Variants in RSU1 observed in about 807,000 individuals in gnomAD.
RSU1 encodes the protein Ras suppressor protein 1, also known as rsu-1.
In RSU1, 26 loss-of-function variants were observed where a neutral mutation model predicts 31.1. The observed-to-expected ratio is 0.84, with a 90% confidence interval of 0.61 to 1.16. The LOEUF is 1.16. Ranked by LOEUF, RSU1 falls within the 50% of genes most tolerant of loss-of-function variation. The probability of loss-of-function intolerance (pLI) is 0.00; values close to 1 mark genes in which losing one functional copy is unlikely to be tolerated. For missense variants in RSU1, 320 were observed against 339.1 expected, an observed-to-expected ratio of 0.94 and a Z score of 0.44; for synonymous variants, 164 against 136.3, an observed-to-expected ratio of 1.20 and a Z score of -1.41.
At chr10:16,650,107 C>CT (rs1415464867) in intron 8 of RSU1, among the ~76,000 whole-genome samples, 1 of 152,176 alleles carries the variant, frequency 6.6e-6, no homozygotes, top group Non-Finnish European at 1.5e-5. Flanking sequence ...CAGGCTCAAT[C>CT]TGTAAGAATG....
chr10:16,654,935 G>A (rs756003978), intron 8 of RSU1, among the ~76,000 whole-genome samples: 1 of 150,802 alleles, frequency 6.6e-6, no homozygotes, highest in African/African-American at 2.4e-5. Context: ...GTGGTGGCAC[G>A]TGCCTGTAGC....
At chr10:16,617,858 A>G (rs1191257500) in intron 8 of RSU1, among the ~76,000 whole-genome samples, 1 of 152,226 alleles carries the variant, frequency 6.6e-6, no homozygotes, top group African/African-American at 2.4e-5. Flanking sequence ...ACTTAAATGT[A>G]AAACCCAAAA....
chr10:16,783,268 G>A (rs759475898), intron 2 of RSU1, among the ~76,000 whole-genome samples: 21 of 151,744 alleles, frequency 1.4e-4, no homozygotes, highest in Admixed American at 2.0e-4. Context: ...TTCCTTAAAC[G>A]GATAAGATAA....
intron 8 of RSU1, among the ~76,000 whole-genome samples, chr10:16,692,507 T>C: frequency 6.6e-6 from 1 of 152,198 alleles, no homozygotes; most frequent in East Asian, 1.9e-4. Flanking sequence ...TGCATTTTTC[T>C]GTATACTATC....
At chr10:16,707,572 T>C (rs1835932613) in intron 7 of RSU1, among the ~76,000 whole-genome samples, 1 of 142,396 alleles carries the variant, frequency 7.0e-6, no homozygotes. Flanking sequence ...TTAATCAGGT[T>C]TTTTTTTTTT....
chr10:16,603,082 A>T (rs1833739093), intron 8 of RSU1, among the ~76,000 whole-genome samples: 1 of 152,142 alleles, frequency 6.6e-6, no homozygotes, highest in Non-Finnish European at 1.5e-5. Context: ...AGATGGTTCC[A>T]TGCAATTTAC....
chr10:16,592,916 A>C lies in RSU1; in HGVS notation c.*478T>G, dbSNP rs949949387. The C allele has an allele frequency of 6.5e-6, 1 of 153,696 alleles. No homozygotes were observed. 9.5% of individuals were successfully genotyped at this position (153,696 alleles called of 1,614,324 possible). A position where few individuals can be genotyped will look rare whatever the true frequency, so the allele number is the denominator to read the frequency against. On this transcript the variant is annotated 3_prime_UTR_variant, in exon 9 of 9. Coordinates refer to ENST00000345264, the MANE Select transcript of RSU1 (RefSeq NM_012425.4). ...TGAGTCAATAAGTAACATGTGATACAAACTCAAGATTTTATTAAAATCATT... is the reference window on the plus strand; with the variant it reads ...TGAGTCAATAAGTAACATGTGATACCAACTCAAGATTTTATTAAAATCATT...
At chr10:16,641,157 T>G (rs1451507822) in intron 8 of RSU1, among the ~76,000 whole-genome samples, 1 of 152,106 alleles carries the variant, frequency 6.6e-6, no homozygotes, top group African/African-American at 2.4e-5. Flanking sequence ...CCCTGGAACT[T>G]AAAATGAAAT....
intron 8 of RSU1, 101 bp from the exon 9 acceptor site, chr10:16,593,597 C>A: frequency 1.1e-6 from 1 of 914,896 alleles, no homozygotes; most frequent in Non-Finnish European, 1.7e-6. Context: ...CAAAAATATT[C>A]AGTAAGCCAA....
intron 7 of RSU1, among the ~76,000 whole-genome samples, chr10:16,732,588 GCTGT>G (rs983795725): frequency 1.3e-5 from 2 of 152,168 alleles, no homozygotes; most frequent in African/African-American, 4.8e-5. Flanking sequence ...ATAAATTTCT[GCTGT>G]CTAAGTCACC....
intron 2 of RSU1, among the ~76,000 whole-genome samples, chr10:16,783,393 G>A (rs908034932): frequency 6.7e-5 from 9 of 133,584 alleles, no homozygotes; most frequent in African/African-American, 2.9e-4. Context: ...GTCTCACTCT[G>A]TCACCAGTTT....
chr10:16,647,865 C>CA (rs1411857385), intron 8 of RSU1, among the ~76,000 whole-genome samples: 6 of 152,160 alleles, frequency 3.9e-5, no homozygotes, highest in African/African-American at 1.4e-4. Context: ...ACTCCACCAC[C>CA]ACATGAGCTC....
chr10:16,634,115 T>C (rs1035479693), intron 8 of RSU1, among the ~76,000 whole-genome samples: 2 of 152,242 alleles, frequency 1.3e-5, no homozygotes, highest in African/African-American at 4.8e-5. Context: ...CAGGCAGTGC[T>C]GAAGTTTGGG....
chr10:16,684,672 G>A (rs1024045595), intron 8 of RSU1, among the ~76,000 whole-genome samples: 23 of 152,068 alleles, frequency 1.5e-4, no homozygotes, highest in African/African-American at 4.6e-4. Flanking sequence ...TGGGACTTCC[G>A]GCCTCTAGAA....
chr10:16,710,771 A>G (rs1032557031), intron 7 of RSU1, among the ~76,000 whole-genome samples: 1 of 152,100 alleles, frequency 6.6e-6, no homozygotes, highest in African/African-American at 2.4e-5. Context: ...GAACCCATCA[A>G]CCCATCATCT....
At chr10:16,804,896 G>C (rs1212719606) in intron 2 of RSU1, among the ~76,000 whole-genome samples, 2 of 152,152 alleles carry the variant, frequency 1.3e-5, no homozygotes, top group Non-Finnish European at 2.9e-5. Flanking sequence ...ATGTGATACT[G>C]TAACGGTGAA....
At chr10:16,765,103 T>C (rs1467922988) in intron 3 of RSU1, among the ~76,000 whole-genome samples, 1 of 152,080 alleles carries the variant, frequency 6.6e-6, no homozygotes, top group African/African-American at 2.4e-5. Context: ...ATCTTATAGG[T>C]GCAATTTTTT....
intron 8 of RSU1, among the ~76,000 whole-genome samples, chr10:16,615,761 C>A (rs1833965031): frequency 6.6e-6 from 1 of 152,202 alleles, no homozygotes; most frequent in South Asian, 2.1e-4. Flanking sequence ...ACTGAACCTG[C>A]TCCAGAAAGA....
intron 8 of RSU1, among the ~76,000 whole-genome samples, chr10:16,669,150 A>G (rs188547480): frequency 6.6e-6 from 1 of 152,188 alleles, no homozygotes; most frequent in East Asian, 1.9e-4. Context: ...ATTTTTCCCA[A>G]AACAAATGCT....
Sources: gnomAD v4.1 joint callset for allele counts (sites outside exome capture counted in the v4.1 genomes callset) on GRCh38, gnomAD v4.1.1 for gene constraint, MANE v1.5 for transcripts, NCBI Gene and HGNC (gene_info 2026-07-23, HGNC 2026-07-21) for gene names.